Variants in IMMP2L observed in about 807,000 individuals in gnomAD.
IMMP2L encodes inner mitochondrial membrane peptidase subunit 2.
A neutral mutation model predicts 19.3 loss-of-function variants in IMMP2L; 18 were observed. The observed-to-expected ratio is 0.93, with a 90% CI of 0.64 to 1.38. IMMP2L has a LOEUF of 1.38. Ranked by LOEUF, IMMP2L falls within the 40% of genes most tolerant of loss-of-function variation. IMMP2L has a pLI of 0.00. For synonymous variants in IMMP2L, 76 were observed against 73.0 expected (o/e 1.04, Z -0.21); for missense variants, 233 against 218.2 (o/e 1.07, Z -0.43).
At chr7:110,842,115 C>T (rs1805146422) in intron 5 of IMMP2L, among the ~76,000 whole-genome samples, 1 of 152,166 alleles carries the variant, frequency 6.6e-6, no homozygotes, top group African/African-American at 2.4e-5. Flanking sequence ...AGAACATATG[C>T]AGTTCAGTTA....
At chr7:111,174,594 A>C (rs1389834446) in intron 3 of IMMP2L, among the ~76,000 whole-genome samples, 1 of 151,772 alleles carries the variant, frequency 6.6e-6, no homozygotes, top group Non-Finnish European at 1.5e-5. Context: ...TCATGATTAC[A>C]TTCTCCCTGC....
intron 3 of IMMP2L, among the ~76,000 whole-genome samples, chr7:111,088,768 T>C (rs978189654): frequency 5.3e-5 from 8 of 152,204 alleles, no homozygotes; most frequent in African/African-American, 1.2e-4. Context: ...AATTTTTTCA[T>C]GTATCTTTGG....
rs114502910 is a variant in IMMP2L at position 110,768,656 on chromosome 7, G to A, written c.409-104935C>T. Among the ~76,000 whole-genome samples the A allele has an allele frequency of 1.7e-3, 259 of 152,206 alleles. 1 individual carries two copies. Among genetic ancestry groups the A allele is most frequent in the African/African-American group, 5.8e-3 (241 of 41,540 alleles). On this transcript the variant is annotated intron_variant, in intron 5 of 5. Coordinates refer to ENST00000405709, the MANE Select transcript of IMMP2L (RefSeq NM_032549.4). ...ATGCCTCCCTCCCGGGCCAGCTTCC[G>A]CTTATCCTATGGACCTCTCAGTGCA...
chr7:111,429,847 G>T (rs1238013827), intron 3 of IMMP2L, among the ~76,000 whole-genome samples: 1 of 151,758 alleles, frequency 6.6e-6, no homozygotes, highest in Non-Finnish European at 1.5e-5. Flanking sequence ...GGACATATTG[G>T]CCTGTACTTT....
rs979243848 is a variant in IMMP2L at position 111,520,833 on chromosome 7, A to T, written c.135+480T>A. 2.6e-5 allele frequency among the ~76,000 whole-genome samples: 4 copies of T among 151,980 alleles called. 1 individual carries two copies. The highest frequency in any genetic ancestry group is 5.9e-5 in the Non-Finnish European group (4 of 67,860). ...AGTTCTTCCACTGTAAACTGCACTT[A>T]ATCTTTTCAATTAGCAACATGCTTA... On this transcript the variant is annotated intron_variant, in intron 2 of 5. Coordinates refer to ENST00000405709, the MANE Select transcript of IMMP2L (RefSeq NM_032549.4).
At chr7:111,184,195 AAATTAT>A (rs1384929859) in intron 3 of IMMP2L, among the ~76,000 whole-genome samples, 2 of 152,144 alleles carry the variant, frequency 1.3e-5, no homozygotes, top group East Asian at 1.9e-4. Flanking sequence ...CTCTAGAGAA[AAATTAT>A]AATTATATCA....
At chr7:110,857,103 T>C (rs1806874543) in intron 5 of IMMP2L, among the ~76,000 whole-genome samples, 1 of 152,072 alleles carries the variant, frequency 6.6e-6, no homozygotes, top group Non-Finnish European at 1.5e-5. Context: ...GGGATAGCTA[T>C]TTGTGTGCCA....
intron 3 of IMMP2L, among the ~76,000 whole-genome samples, chr7:111,427,134 T>G (rs1168670533): frequency 6.6e-6 from 1 of 151,588 alleles, no homozygotes; most frequent in African/African-American, 2.4e-5. Flanking sequence ...GCGAAGACCT[T>G]AGAATTCTTT....
intron 3 of IMMP2L, among the ~76,000 whole-genome samples, chr7:111,344,009 T>C (rs972466593): frequency 5.9e-5 from 9 of 152,170 alleles, no homozygotes; most frequent in Admixed American, 1.3e-4. Context: ...ATTTTGAATC[T>C]GACCACTTAT....
At position 110,701,388 on chromosome 7, in the gene IMMP2L, C is replaced by T. The variant is rs148597200; in HGVS notation, c.409-37667G>A. Among the ~76,000 whole-genome samples, 1,351 of 152,130 alleles carry T rather than the reference C, an allele frequency of 8.9e-3. 38 individuals carry two copies. Among genetic ancestry groups the T allele is most frequent in the Admixed American group, 0.037 (559 of 15,268 alleles). On this transcript the variant is annotated intron_variant, in intron 5 of 5. Coordinates refer to ENST00000405709, the MANE Select transcript of IMMP2L (RefSeq NM_032549.4). ...TTTAAATGCTTTACATATATTATCTCATTAAATCTTGGGAAACATGACAAA... is the reference window on the plus strand; with the variant it reads ...TTTAAATGCTTTACATATATTATCTTATTAAATCTTGGGAAACATGACAAA...
chr7:110,855,949 A>C (rs1806714254), intron 5 of IMMP2L, among the ~76,000 whole-genome samples: 1 of 152,058 alleles, frequency 6.6e-6, no homozygotes, highest in African/African-American at 2.4e-5. Context: ...CTCAATACTC[A>C]AATAATAATG....
chr7:110,978,435 G>A (rs901823255), intron 3 of IMMP2L, among the ~76,000 whole-genome samples: 1 of 151,840 alleles, frequency 6.6e-6, no homozygotes, highest in Non-Finnish European at 1.5e-5. Flanking sequence ...ACTATGATTG[G>A]GAATCTATCC....
At chr7:111,524,155 C>T (rs1479080426) in intron 1 of IMMP2L, among the ~76,000 whole-genome samples, 1 of 152,032 alleles carries the variant, frequency 6.6e-6, no homozygotes, top group East Asian at 1.9e-4. Flanking sequence ...TCTCTGAAAA[C>T]ACTTCTAACC....
intron 2 of IMMP2L, among the ~76,000 whole-genome samples, chr7:111,490,767 T>G (rs751578592): frequency 6.6e-6 from 1 of 152,122 alleles, no homozygotes; most frequent in Non-Finnish European, 1.5e-5. Flanking sequence ...AATTAATAAT[T>G]AAATAATAAT....
chr7:111,422,439 C>A (rs1835659983), intron 3 of IMMP2L, among the ~76,000 whole-genome samples: 2 of 151,060 alleles, frequency 1.3e-5, no homozygotes, highest in South Asian at 4.2e-4. Context: ...GTCACCACAT[C>A]CCTTGGAAGT....
intron 3 of IMMP2L, among the ~76,000 whole-genome samples, chr7:111,381,457 T>C (rs926051935): frequency 1.3e-5 from 2 of 152,146 alleles, no homozygotes; most frequent in African/African-American, 4.8e-5. Context: ...TATATTATTA[T>C]AATCAATACC....
At chr7:110,769,810 T>C (rs776622787) in intron 5 of IMMP2L, among the ~76,000 whole-genome samples, 1 of 152,116 alleles carries the variant, frequency 6.6e-6, no homozygotes, top group Non-Finnish European at 1.5e-5. Context: ...ACCCAATAAG[T>C]GAGTGAAGTC....
intron 3 of IMMP2L, among the ~76,000 whole-genome samples, chr7:111,447,041 G>C (rs973831812): frequency 7.0e-6 from 1 of 142,412 alleles, no homozygotes; most frequent in Non-Finnish European, 1.5e-5. Context: ...AAGCCTCCAA[G>C]AAATATGGGA....
chr7:111,477,872 T>C (rs1011079410), intron 3 of IMMP2L, among the ~76,000 whole-genome samples: 2 of 152,088 alleles, frequency 1.3e-5, no homozygotes, highest in Non-Finnish European at 2.9e-5. Context: ...CACTCCAGCC[T>C]GGGCAACAAG....
Sources: allele counts gnomAD v4.1 joint callset (sites outside exome capture counted in the v4.1 genomes callset), GRCh38; gene constraint gnomAD v4.1.1; transcripts MANE v1.5; gene names NCBI Gene and HGNC (gene_info 2026-07-23, HGNC 2026-07-21).